Variants in LNX2 observed in about 807,000 individuals in gnomAD.
LNX2 encodes ligand of numb-protein X 2, also known as ligand of Numb protein X 2.
Under a neutral mutation model 66.2 loss-of-function variants are expected in LNX2, and 35 were observed. That is an observed-to-expected ratio of 0.53 (90% confidence interval 0.40 to 0.70). LNX2 has a LOEUF of 0.70. Ranked by LOEUF, LNX2 falls within the 30% of genes least tolerant of loss-of-function variation. The pLI, the probability that LNX2 is intolerant of heterozygous loss-of-function variation, is 0.00. For synonymous variants in LNX2, 337 were observed against 315.6 expected, an observed-to-expected ratio of 1.07 and a Z score of -0.72; for missense variants, 791 against 850.8, an observed-to-expected ratio of 0.93 and a Z score of 0.87.
chr13:27,562,800 G>T lies in LNX2; in HGVS notation c.856-19C>A. ...TGTTGACCTAGAAAAAAAGAATTGT[G>T]ACCGAAGTGTGACAACCTTTTATTT... On this transcript the variant is annotated intron_variant, in intron 4 of 9. Coordinates refer to ENST00000316334, the MANE Select transcript of LNX2 (RefSeq NM_153371.4). 1 of 1,589,070 alleles carries T rather than the reference G, an allele frequency of 6.3e-7. No homozygotes were observed. The highest frequency in any genetic ancestry group is 1.4e-5 in the African/African-American group (1 of 74,048).
intron 1 of LNX2, among the ~76,000 whole-genome samples, chr13:27,583,255 T>TGTGTGTGTGTGTGTGCGC (rs1555268514): frequency 1.7e-5 from 1 of 58,526 alleles, no homozygotes. Flanking sequence ...TGTGTGTGTG[T>TGTGTGTGTGTGTGTGCGC]GCGCGCGTCC....
chr13:27,576,137 T>C (rs1019517101), intron 2 of LNX2, among the ~76,000 whole-genome samples: 21 of 152,056 alleles, frequency 1.4e-4, no homozygotes, highest in African/African-American at 5.1e-4. Context: ...CATAACAAGA[T>C]ATGACAATTA....
rs1954955914 is a variant in LNX2 at position 27,547,599 on chromosome 13, G to GT, written c.*735dup. 6.6e-6 allele frequency: 1 copy of GT among 152,290 alleles called. No homozygotes were observed. Among genetic ancestry groups the GT allele is most frequent in the Non-Finnish European group, 1.5e-5 (1 of 68,098 alleles). The allele number at this position is 152,290 out of a possible 1,614,324, so 9.4% of individuals were successfully genotyped here. On this transcript the variant is annotated 3_prime_UTR_variant, in exon 10 of 10. Transcript: ENST00000316334. ...CGGCCGGGTGCGGCAGCTCACACCT[G>GT]TAATCCCAGCACTTTGGGAGGCTGA...
intron 1 of LNX2, among the ~76,000 whole-genome samples, chr13:27,617,682 C>T (rs1427371712): frequency 6.6e-6 from 1 of 152,202 alleles, no homozygotes; most frequent in African/African-American, 2.4e-5. Flanking sequence ...GCTTACCATA[C>T]TCATAAAGCC....
At chr13:27,604,758 G>A (rs968387875) in intron 1 of LNX2, among the ~76,000 whole-genome samples, 8 of 151,566 alleles carry the variant, frequency 5.3e-5, no homozygotes, top group Admixed American at 2.0e-4. Flanking sequence ...TTGAAACAAA[G>A]ATGTTTGTCT....
At chr13:27,570,386 G>A (rs959970404) in intron 2 of LNX2, among the ~76,000 whole-genome samples, 3 of 152,140 alleles carry the variant, frequency 2.0e-5, no homozygotes, top group Admixed American at 1.3e-4. Context: ...AAAAGCTATC[G>A]CTTAACTATA....
intron 2 of LNX2, among the ~76,000 whole-genome samples, chr13:27,574,131 A>G (rs568924358): frequency 5.9e-5 from 9 of 152,212 alleles, no homozygotes; most frequent in Non-Finnish European, 1.3e-4. Context: ...ATAAAGAACC[A>G]AACAGAAATT....
chr13:27,614,352 G>GT (rs1955804848), intron 1 of LNX2, among the ~76,000 whole-genome samples: 1 of 152,116 alleles, frequency 6.6e-6, no homozygotes, highest in Non-Finnish European at 1.5e-5. Context: ...ATCTGTTCAG[G>GT]TTTTTTGGTT....
At chr13:27,611,417 T>C (rs2138480125) in intron 1 of LNX2, among the ~76,000 whole-genome samples, 1 of 152,266 alleles carries the variant, frequency 6.6e-6, no homozygotes, top group Non-Finnish European at 1.5e-5. Context: ...TTCTAAAAAG[T>C]AGAAGAGTGG....
intron 2 of LNX2, among the ~76,000 whole-genome samples, chr13:27,570,321 AT>A (rs1186235869): frequency 2.6e-5 from 4 of 152,220 alleles, no homozygotes; most frequent in African/African-American, 9.6e-5. Context: ...ATTCAACAAT[AT>A]TTTTAAAACT....
intron 1 of LNX2, among the ~76,000 whole-genome samples, chr13:27,607,751 A>T (rs1238591200): frequency 2.0e-5 from 3 of 152,152 alleles, no homozygotes; most frequent in South Asian, 2.1e-4. Context: ...CTATTTAACC[A>T]TTTCACTGAC....
At chr13:27,589,049 G>C (rs1480327484) in intron 1 of LNX2, among the ~76,000 whole-genome samples, 1 of 152,154 alleles carries the variant, frequency 6.6e-6, no homozygotes, top group Non-Finnish European at 1.5e-5. Context: ...GAAAGAAAAG[G>C]GGGTAAATGA....
chr13:27,570,073 T>A (rs935559274), intron 2 of LNX2, among the ~76,000 whole-genome samples: 2 of 152,204 alleles, frequency 1.3e-5, no homozygotes, highest in African/African-American at 4.8e-5. Flanking sequence ...TAACAAATAT[T>A]AAAAATGATG....
chr13:27,553,317 T>C lies in LNX2; in HGVS notation c.1669A>G (p.Ile557Val), dbSNP rs1449973744. The stretch of plus-strand genomic sequence containing the variant: ...GCGTTCTGAGTCGCCTCCTCAACAA[T>C]CTGGACCTCAAGTGCTTTAAGGGCA... ...AVALKALEVQ[I>V]VEEATQNAEE... The change falls in exon 8 of 10, where the codon ATT becomes GTT. Residue 557 changes from isoleucine (I) to valine (V), a missense_variant. Ile to Val is a conservative substitution (Grantham distance 29). Coordinates refer to ENST00000316334, the MANE Select transcript of LNX2 (RefSeq NM_153371.4). 2.5e-6 allele frequency: 4 copies of C among 1,614,146 alleles called. No homozygotes were observed. Among genetic ancestry groups the C allele is most frequent in the South Asian group, 1.1e-5 (1 of 91,078 alleles).
rs1382594173 is a variant in LNX2, at chr13:27,546,384, G to A, written c.*1951C>T. The stretch of plus-strand genomic sequence containing the variant: ...GGAGCAGGGAAAAAACTTGTTCCAT[G>A]TCAATTAGAATATCAAAGCATTTCA... On this transcript the variant is annotated 3_prime_UTR_variant, in exon 10 of 10. Transcript: ENST00000316334. The A allele has an allele frequency of 3.9e-5, 6 of 152,166 alleles. No individual in the cohort carries two copies. Among genetic ancestry groups the A allele is most frequent in the Admixed American group, 1.3e-4 (2 of 15,282 alleles). 9.4% of individuals were successfully genotyped at this position (152,166 alleles called of 1,614,324 possible). A position where few individuals can be genotyped will look rare whatever the true frequency, so the allele number is the denominator to read the frequency against.
intron 1 of LNX2, among the ~76,000 whole-genome samples, chr13:27,619,872 G>A (rs971468298): frequency 2.6e-5 from 4 of 152,188 alleles, no homozygotes; most frequent in African/African-American, 7.2e-5. Flanking sequence ...AGCCTAAAGA[G>A]AAAGGTGAGA....
chr13:27,578,991 A>G (rs375904734), intron 2 of LNX2, among the ~76,000 whole-genome samples: 17 of 152,358 alleles, frequency 1.1e-4, no homozygotes, highest in African/African-American at 4.1e-4. Flanking sequence ...TAATTGGACT[A>G]ACATGAGATG....
rs746850401 is a variant in LNX2 at position 27,567,735 on chromosome 13, C to T, written c.760G>A (p.Glu254Lys). The change falls in exon 4 of 10, where the codon GAA (glutamate) becomes AAA (lysine). Residue 254 changes from glutamate to lysine, a missense_variant. Transcript: ENST00000316334. ...QLGISIVGGN[E>K]TPLINIVIQE... ...ATGACAATGTTAATCAAAGGTGTTT[C>T]GTTGCCACCCACAATGCTGATTCCT... 4.3e-6 allele frequency: 7 copies of T among 1,613,734 alleles called. No individual in the cohort carries two copies. Among genetic ancestry groups the T allele is most frequent in the South Asian group, 1.1e-5 (1 of 91,026 alleles).
intron 1 of LNX2, among the ~76,000 whole-genome samples, chr13:27,612,320 T>A (rs1178573405): frequency 1.3e-5 from 2 of 152,196 alleles, no homozygotes; most frequent in Non-Finnish European, 1.5e-5. Context: ...CAGCTCTCTC[T>A]CATCCACCTC....
Sources: gnomAD v4.1 joint callset for allele counts (sites outside exome capture counted in the v4.1 genomes callset) on GRCh38, gnomAD v4.1.1 for gene constraint, MANE v1.5 for transcripts, NCBI Gene and HGNC (gene_info 2026-07-23, HGNC 2026-07-21) for gene names.